PLPPR1: variants seen among roughly 807,000 people sequenced by gnomAD.
PLPPR1 encodes the protein phospholipid phosphatase-related protein type 1.
A neutral mutation model predicts 33.1 loss-of-function variants in PLPPR1; 10 were observed. The ratio of observed to expected loss-of-function variants is 0.30; its 90% CI spans 0.19 to 0.51. The LOEUF is 0.51. Ranked by LOEUF, PLPPR1 falls within the 20% of genes least tolerant of loss-of-function variation. PLPPR1 has a pLI of 0.97. For synonymous variants in PLPPR1, 151 were observed against 151.0 expected, an observed-to-expected ratio of 1.00 and a Z score of 0.00; for missense variants, 304 against 408.1, an observed-to-expected ratio of 0.74 and a Z score of 2.20.
At chr9:101,316,203 G>A (rs547223500) in intron 6 of PLPPR1, among the ~76,000 whole-genome samples, 2 of 152,186 alleles carry the variant, frequency 1.3e-5, no homozygotes, top group Non-Finnish European at 2.9e-5. Flanking sequence ...TTGGGAGGCC[G>A]AGGCCAGCAG....
chr9:101,180,091 CCTTT>C (rs563112458), intron 1 of PLPPR1, among the ~76,000 whole-genome samples: 1,808 of 93,464 alleles, frequency 0.019, 46 homozygotes, highest in African/African-American at 0.044. Flanking sequence ...AATAAACTCT[CCTTT>C]ATATATATAT....
At chr9:101,246,044 A>G (rs1827591485) in intron 2 of PLPPR1, among the ~76,000 whole-genome samples, 1 of 133,512 alleles carries the variant, frequency 7.5e-6, no homozygotes, top group Non-Finnish European at 1.6e-5. Context: ...TACCTCTCAA[A>G]ATTGAATATG....
chr9:101,191,460 T>TA (rs1370227080), intron 2 of PLPPR1, among the ~76,000 whole-genome samples: 1 of 152,184 alleles, frequency 6.6e-6, no homozygotes, highest in Non-Finnish European at 1.5e-5. Context: ...CCACTTCTGT[T>TA]ACTCTTTCTC....
chr9:101,133,167 C>T (rs1831334611), intron 1 of PLPPR1, among the ~76,000 whole-genome samples: 1 of 152,050 alleles, frequency 6.6e-6, no homozygotes, highest in Admixed American at 6.6e-5. Context: ...CACTTTGATC[C>T]ACAAAATTTC....
intron 1 of PLPPR1, among the ~76,000 whole-genome samples, chr9:101,146,933 A>C (rs73496000): frequency 0.027 from 4,046 of 152,326 alleles, 170 homozygotes; most frequent in African/African-American, 0.087. Flanking sequence ...TTTCTGATTT[A>C]TGCTGCTTAA....
At chr9:101,085,868 G>C (rs188892319) in intron 1 of PLPPR1, among the ~76,000 whole-genome samples, 5 of 151,914 alleles carry the variant, frequency 3.3e-5, no homozygotes, top group African/African-American at 1.2e-4. Flanking sequence ...GACCGGGGGG[G>C]GCTCTACTGT....
chr9:101,063,510 C>T (rs1830371039), intron 1 of PLPPR1, among the ~76,000 whole-genome samples: 1 of 152,042 alleles, frequency 6.6e-6, no homozygotes, highest in African/African-American at 2.4e-5. Flanking sequence ...AAATATTTTA[C>T]TAGAAAGCCA....
In PLPPR1 at chr9:101,289,498, A is replaced by G. The variant is rs78011368; in HGVS notation, c.385+3262A>G. ...TGGTTTGGCTTTGTGTCTCTACCCA[A>G]ATCTCATCTTGAATTGTACTCCCAT... On this transcript the variant is annotated intron_variant, in intron 4 of 7. Transcript: ENST00000374874. Among the ~76,000 whole-genome samples, 8 of 152,306 alleles carry G rather than the reference A, an allele frequency of 5.3e-5. No individual in the cohort carries two copies. The East Asian group carries it at 1.5e-3, about 29-fold the overall frequency.
intron 1 of PLPPR1, among the ~76,000 whole-genome samples, chr9:101,077,313 C>T (rs10989382): frequency 0.032 from 4,899 of 152,278 alleles, 139 homozygotes; most frequent in East Asian, 0.082. Flanking sequence ...TTCATTCCTT[C>T]CCATATATTC....
At chr9:101,054,657 G>C (rs1339774239) in intron 1 of PLPPR1, among the ~76,000 whole-genome samples, 1 of 152,134 alleles carries the variant, frequency 6.6e-6, no homozygotes, top group African/African-American at 2.4e-5. Context: ...AAATTGATTT[G>C]TTCCAGGGCC....
In PLPPR1 at chr9:101,267,885, GGTTTT is replaced by G. The variant is rs1828025571; in HGVS notation, c.64-1983_64-1979del. 2.0e-5 allele frequency among the ~76,000 whole-genome samples: 3 copies of G among 152,068 alleles called. No homozygotes were observed. In the South Asian group the frequency reaches 6.2e-4, roughly 32 times the overall value. The stretch of plus-strand genomic sequence containing the variant: ...GTGTCTCAAGTACAAACTTCTGTCT[GGTTTT>G]GTTTTGTTTTGGAGACAGAGTCTCT... On this transcript the variant is annotated intron_variant, in intron 2 of 7. Transcript: ENST00000374874.
At chr9:101,076,235 G>A (rs1455903764) in intron 1 of PLPPR1, among the ~76,000 whole-genome samples, 5 of 152,170 alleles carry the variant, frequency 3.3e-5, no homozygotes, top group African/African-American at 1.2e-4. Context: ...GCATGCTTAA[G>A]CTTGGATCTG....
At chr9:101,149,200 A>G (rs2118646589) in intron 1 of PLPPR1, among the ~76,000 whole-genome samples, 1 of 152,334 alleles carries the variant, frequency 6.6e-6, no homozygotes, top group South Asian at 2.1e-4. Flanking sequence ...TTTAAAAGGA[A>G]TAATTACCAT....
intron 1 of PLPPR1, among the ~76,000 whole-genome samples, chr9:101,084,744 A>G (rs1274035418): frequency 3.9e-5 from 6 of 152,344 alleles, no homozygotes; most frequent in African/African-American, 1.4e-4. Flanking sequence ...AGAAAGGAAA[A>G]TAGGCCTAGT....
chr9:101,295,729 T>C (rs964450148), intron 4 of PLPPR1, among the ~76,000 whole-genome samples: 5 of 152,004 alleles, frequency 3.3e-5, no homozygotes, highest in Non-Finnish European at 7.4e-5. Flanking sequence ...TAAATGGTGC[T>C]GGGAAAACTG....
chr9:101,167,919 G>A (rs1190863274), intron 1 of PLPPR1, among the ~76,000 whole-genome samples: 1 of 152,184 alleles, frequency 6.6e-6, no homozygotes, highest in African/African-American at 2.4e-5. Context: ...GGCTGGAGAG[G>A]TCTCAAAATC....
intron 2 of PLPPR1, among the ~76,000 whole-genome samples, chr9:101,186,009 G>C (rs1826196535): frequency 6.6e-6 from 1 of 151,728 alleles, no homozygotes; most frequent in South Asian, 2.1e-4. Context: ...AATAATCTTA[G>C]AGTTTACTAT....
intron 1 of PLPPR1, among the ~76,000 whole-genome samples, chr9:101,141,545 G>A (rs1030547434): frequency 6.6e-6 from 1 of 152,044 alleles, no homozygotes; most frequent in Admixed American, 6.6e-5. Context: ...TAACAATAAT[G>A]GTGAATTTTT....
chr9:101,047,457 G>T (rs1185198199), intron 1 of PLPPR1, among the ~76,000 whole-genome samples: 1 of 152,172 alleles, frequency 6.6e-6, no homozygotes, highest in African/African-American at 2.4e-5. Context: ...GAAGCAAATT[G>T]TCTTTTAGCC....
Sources: allele counts gnomAD v4.1 joint callset (sites outside exome capture counted in the v4.1 genomes callset), GRCh38; gene constraint gnomAD v4.1.1; transcripts MANE v1.5; gene names NCBI Gene and HGNC (gene_info 2026-07-23, HGNC 2026-07-21).